Variants in KAT7 observed in about 807,000 individuals in gnomAD.
KAT7 encodes lysine acetyltransferase 7.
Under a neutral mutation model 82.1 loss-of-function variants are expected in KAT7, and 10 were observed. The ratio of observed to expected loss-of-function variants is 0.12; its 90% CI spans 0.08 to 0.21. The LOEUF is 0.21. Among genes scored for constraint, KAT7 ranks in the 10% least tolerant of loss-of-function variants. KAT7 has a pLI of 1.00. For synonymous variants in KAT7, 250 were observed against 262.5 expected (o/e 0.95, Z 0.46); for missense variants, 378 against 760.9 (o/e 0.50, Z 5.92).
At chr17:49,808,120 CTTTTTTT>C (rs71146937) in intron 5 of KAT7, among the ~76,000 whole-genome samples, 2 of 112,820 alleles carry the variant, frequency 1.8e-5, no homozygotes, top group South Asian at 5.6e-4. Context: ...CCCAGGTTTT[CTTTTTTT>C]TTTTTTTTTT....
At chr17:49,805,146 A>G (rs188316439) in intron 4 of KAT7, among the ~76,000 whole-genome samples, 2 of 152,352 alleles carry the variant, frequency 1.3e-5, no homozygotes, top group African/African-American at 4.8e-5. Context: ...TATATTGATC[A>G]TACATAAGCA....
chr17:49,821,917 TTA>T, intron 11 of KAT7, 127 bp downstream of exon 11: 1 of 718,858 alleles, frequency 1.4e-6, no homozygotes, highest in Non-Finnish European at 2.2e-6. Context: ...CTTCCTTAAA[TTA>T]AAAAAAAAAA....
At chr17:49,795,733 G>A (rs1448770446) in intron 2 of KAT7, 2 of 226,414 alleles carry the variant, frequency 8.8e-6, no homozygotes, top group African/African-American at 2.3e-5. Context: ...TTTTCCTTTG[G>A]TTTTTACTTT....
At chr17:49,789,568 T>G (rs1203046793) in intron 1 of KAT7, 1 of 152,248 alleles carries the variant, frequency 6.6e-6, no homozygotes, top group Non-Finnish European at 1.5e-5. Context: ...CCGTCGTTTC[T>G]TCTTACAGCT....
At chr17:49,823,001 T>C (rs1479216106) in intron 11 of KAT7, among the ~76,000 whole-genome samples, 1 of 152,180 alleles carries the variant, frequency 6.6e-6, no homozygotes, top group Admixed American at 6.5e-5. Context: ...ACTGGAGGTC[T>C]CAACTAGGGA....
In KAT7 at chr17:49,809,137, G is replaced by C; in HGVS notation, c.682G>C (p.Asp228His). The change falls in exon 6 of 15, where the codon GAT becomes CAT. Residue 228 changes from aspartate (D) to histidine (H), a missense_variant. Asp to His is a moderately conservative substitution (Grantham distance 81, BLOSUM62 -1). Around this residue, in one of 6 missense-constraint regions of KAT7, gnomAD observed 102 missense variants for 129.8 expected, o/e 0.79. Transcript: ENST00000259021. ...DECKVRAQSR[D>H]KQIEERMLSH... Reference sequence around the variant, plus strand: ...GTTGCAGGTGAGAGCACAGAGCCGGGATAAGCAGATAGAAGAAAGGATGCT... The same window carrying C: ...GTTGCAGGTGAGAGCACAGAGCCGGCATAAGCAGATAGAAGAAAGGATGCT... The C allele has an allele frequency of 2.5e-6, 4 of 1,614,150 alleles. No homozygotes were observed. Among genetic ancestry groups the C allele is most frequent in the Non-Finnish European group, 3.4e-6 (4 of 1,179,986 alleles).
chr17:49,817,937 C>T lies in KAT7; in HGVS notation c.1081C>T (p.Arg361Trp), dbSNP rs777692678. Residue 361 changes from arginine (R) to tryptophan (W), a missense_variant, in exon 9 of 15, where the codon CGG becomes TGG. Around this residue, in one of 6 missense-constraint regions of KAT7, gnomAD observed 37 missense variants for 98.6 expected, o/e 0.38. Transcript: ENST00000259021. The part of the protein sequence containing the change: ...YHSPYPEEYA[R>W]LGRLYMCEFC... ...TTCTCCATATCCTGAAGAATATGCA[C>T]GGCTGGGACGTCTCTATATGTGTGA... 3.7e-6 allele frequency: 6 copies of T among 1,613,180 alleles called. No individual in the cohort carries two copies. Among genetic ancestry groups the T allele is most frequent in the East Asian group, 2.2e-5 (1 of 44,884 alleles).
intron 9 of KAT7, among the ~76,000 whole-genome samples, chr17:49,818,939 A>G (rs1708943112): frequency 6.6e-6 from 1 of 152,202 alleles, no homozygotes; most frequent in African/African-American, 2.4e-5. Flanking sequence ...GGGTTTCACC[A>G]TATTGACCAG....
chr17:49,826,867 G>A (rs1248250285), intron 14 of KAT7, 68 bp downstream of exon 14: 1 of 1,005,078 alleles, frequency 9.9e-7, no homozygotes. Context: ...CAAAGTATGG[G>A]CCTTAAGACT....
intron 2 of KAT7, among the ~76,000 whole-genome samples, chr17:49,793,953 T>C (rs1034265531): frequency 1.3e-5 from 2 of 152,210 alleles, no homozygotes; most frequent in African/African-American, 4.8e-5. Context: ...GAATATCCTC[T>C]TTAACAACTG....
chr17:49,788,886 G>A, intron 1 of KAT7, 37 bp downstream of exon 1: 1 of 1,555,918 alleles, frequency 6.4e-7, no homozygotes, highest in South Asian at 1.2e-5. Context: ...GGGTTTCTAA[G>A]GACAGTCGAT....
intron 4 of KAT7, among the ~76,000 whole-genome samples, chr17:49,800,367 G>A (rs921616070): frequency 2.0e-5 from 3 of 152,116 alleles, no homozygotes; most frequent in African/African-American, 2.4e-5. Flanking sequence ...AATAAATACA[G>A]CAAAGTTGTC....
intron 9 of KAT7, among the ~76,000 whole-genome samples, chr17:49,819,582 A>T (rs915404493): frequency 3.9e-5 from 6 of 152,216 alleles, no homozygotes; most frequent in African/African-American, 1.4e-4. Flanking sequence ...GAAAACAAAG[A>T]GTCTGAATAA....
At chr17:49,789,385 A>C (rs2073854182) in intron 1 of KAT7, 1 of 152,634 alleles carries the variant, frequency 6.6e-6, no homozygotes, top group South Asian at 2.0e-4. Context: ...TGAGGGGCAC[A>C]ACAAAGCAGA....
intron 4 of KAT7, among the ~76,000 whole-genome samples, chr17:49,798,873 A>G (rs187115567): frequency 1.1e-4 from 16 of 152,312 alleles, no homozygotes; most frequent in African/African-American, 3.6e-4. Context: ...ACTGCATGGC[A>G]CATAGCTCGT....
Position 49,826,122 on chromosome 17 carries a change from C to G in KAT7, c.1603C>G (p.Gln535Glu), listed in dbSNP as rs1225265976. The change falls in exon 13 of 15, where the codon CAA becomes GAA. Residue 535 changes from glutamine (Q) to glutamate (E), a missense_variant. Transcript: ENST00000259021. ...EVLLRYLHNF[Q>E]GKEISIKEIS... The stretch of plus-strand genomic sequence containing the variant: ...ACTTCTCCGCTACCTGCATAATTTT[C>G]AAGGCAAAGAGATTTCTATCAAAGG... 1 of 1,613,968 alleles carries G rather than the reference C, an allele frequency of 6.2e-7. No individual in the cohort carries two copies. Among genetic ancestry groups the G allele is most frequent in the Admixed American group, 1.7e-5 (1 of 60,014 alleles).
At chr17:49,788,972 C>T (rs1598044357) in intron 1 of KAT7, 123 bp downstream of exon 1, 1 of 907,128 alleles carries the variant, frequency 1.1e-6, no homozygotes, top group East Asian at 3.2e-5. Flanking sequence ...CCTTGTTCAG[C>T]TACCCTCTCT....
At chr17:49,823,653 A>G (rs764244860) in intron 12 of KAT7, 4 of 195,026 alleles carry the variant, frequency 2.1e-5, no homozygotes, top group South Asian at 1.0e-4. Context: ...GAGGTAATCC[A>G]TGTACCCAAT....
intron 1 of KAT7, among the ~76,000 whole-genome samples, chr17:49,790,610 A>AT (rs796532407): frequency 2.0e-5 from 3 of 152,136 alleles, no homozygotes; most frequent in Middle Eastern, 3.2e-3. Flanking sequence ...GAAAATGTAC[A>AT]TTTTTTTAGT....
Sources: allele counts gnomAD v4.1 joint callset (sites outside exome capture counted in the v4.1 genomes callset), GRCh38; gene constraint gnomAD v4.1.1; regional missense constraint gnomAD v4.1.1; transcripts MANE v1.5; gene names NCBI Gene and HGNC (gene_info 2026-07-23, HGNC 2026-07-21).